Variants in REDIC1 observed in about 807,000 individuals in gnomAD.
REDIC1 encodes regulator of DNA class I crossover intermediates 1, also known as HEI10 Interacting Protein 1.
the REDIC1 span, among the ~76,000 whole-genome samples, chr12:39,676,938 G>A: frequency 5.9e-4 from 89 of 151,562 alleles, no homozygotes; most frequent in African/African-American, 2.1e-3. Flanking sequence ...TACAAGAAAT[G>A]CTAAAAGGAG....
At chr12:39,633,161 G>A in the REDIC1 span, among the ~76,000 whole-genome samples, 81 of 151,862 alleles carry the variant, frequency 5.3e-4, no homozygotes, top group Admixed American at 5.3e-3. Flanking sequence ...TTAACTTTTT[G>A]ACTGTTTCAT....
At chr12:39,849,059 A>G in the REDIC1 span, among the ~76,000 whole-genome samples, 26 of 152,236 alleles carry the variant, frequency 1.7e-4, no homozygotes, top group Non-Finnish European at 3.4e-4. Context: ...AACAAAAAAG[A>G]TAACTATTGG....
the REDIC1 span, among the ~76,000 whole-genome samples, chr12:39,710,050 T>C: frequency 8.6e-5 from 13 of 151,972 alleles, no homozygotes; most frequent in African/African-American, 2.9e-4. Flanking sequence ...CATTTTGATA[T>C]AGATCTTTTT....
chr12:39,648,131 A>G, the REDIC1 span, among the ~76,000 whole-genome samples: 1 of 152,142 alleles, frequency 6.6e-6, no homozygotes, highest in Non-Finnish European at 1.5e-5. Flanking sequence ...TTTACATCAA[A>G]AACTTAATTC....
the REDIC1 span, among the ~76,000 whole-genome samples, chr12:39,800,234 A>G: frequency 1.3e-5 from 2 of 152,226 alleles, no homozygotes; most frequent in Non-Finnish European, 2.9e-5. Context: ...AACAGAAAAA[A>G]TAATTTGTGA....
At chr12:39,874,615 CAAAAA>C in the REDIC1 span, among the ~76,000 whole-genome samples, 2 of 101,114 alleles carry the variant, frequency 2.0e-5, no homozygotes, top group Non-Finnish European at 2.0e-5. Flanking sequence ...AACTCCATCT[CAAAAA>C]AAAAAAAAAA....
chr12:39,853,535 CTTTCT>C, the REDIC1 span, among the ~76,000 whole-genome samples: 2 of 151,584 alleles, frequency 1.3e-5, no homozygotes, highest in East Asian at 1.9e-4. Context: ...TTTTTTTCTC[CTTTCT>C]TTTCTTTTCT....
chr12:39,720,224 C>T, the REDIC1 span, among the ~76,000 whole-genome samples: 2 of 151,680 alleles, frequency 1.3e-5, no homozygotes, highest in Non-Finnish European at 2.9e-5. Context: ...TTTTCTTTGT[C>T]TATTTAATTT....
the REDIC1 span, among the ~76,000 whole-genome samples, chr12:39,751,727 A>G: frequency 6.6e-6 from 1 of 152,236 alleles, no homozygotes; most frequent in Non-Finnish European, 1.5e-5. Context: ...CAGCCATAAA[A>G]AAGGATGAGT....
the REDIC1 span, among the ~76,000 whole-genome samples, chr12:39,901,946 T>C: frequency 6.6e-6 from 1 of 152,080 alleles, no homozygotes; most frequent in Non-Finnish European, 1.5e-5. Flanking sequence ...CCAACCAAAA[T>C]GTCCATCAAT....
At chr12:39,689,706 C>T in the REDIC1 span, among the ~76,000 whole-genome samples, 2 of 151,982 alleles carry the variant, frequency 1.3e-5, no homozygotes, top group Non-Finnish European at 2.9e-5. Context: ...TTGAGGAGTA[C>T]TAGTGTCGTA....
At chr12:39,634,944 A>G in the REDIC1 span, among the ~76,000 whole-genome samples, 1 of 152,228 alleles carries the variant, frequency 6.6e-6, no homozygotes. Flanking sequence ...TTACAAGAAA[A>G]AAAAACAACC....
At chr12:39,822,611 C>T in the REDIC1 span, among the ~76,000 whole-genome samples, 2 of 152,166 alleles carry the variant, frequency 1.3e-5, no homozygotes, top group Non-Finnish European at 1.5e-5. Flanking sequence ...AGGTTCACCA[C>T]CATTATCTTA....
chr12:39,718,963 C>T, the REDIC1 span, among the ~76,000 whole-genome samples: 5 of 152,112 alleles, frequency 3.3e-5, no homozygotes, highest in African/African-American at 1.2e-4. Context: ...TAGCATCTAA[C>T]GGTATGCCTT....
the REDIC1 span, among the ~76,000 whole-genome samples, chr12:39,725,878 G>T: frequency 6.6e-6 from 1 of 151,802 alleles, no homozygotes; most frequent in Non-Finnish European, 1.5e-5. Context: ...GTGTCTGAGG[G>T]GTGTGTGTGT....
the REDIC1 span, among the ~76,000 whole-genome samples, chr12:39,673,181 G>T: frequency 6.6e-6 from 1 of 152,096 alleles, no homozygotes; most frequent in Non-Finnish European, 1.5e-5. Context: ...TCACTTCTAT[G>T]TTGAATTCCA....
chr12:39,870,938 A>G, the REDIC1 span, among the ~76,000 whole-genome samples: 1 of 152,220 alleles, frequency 6.6e-6, no homozygotes, highest in African/African-American at 2.4e-5. Context: ...TGTTTTCGAT[A>G]CAATTTGGTT....
At chr12:39,653,380 A>C in the REDIC1 span, among the ~76,000 whole-genome samples, 19 of 151,844 alleles carry the variant, frequency 1.3e-4, no homozygotes, top group Admixed American at 1.2e-3. Flanking sequence ...ACATCTTTTG[A>C]CTTTGACAAT....
chr12:39,900,589 T>C, the REDIC1 span, among the ~76,000 whole-genome samples: 2 of 152,118 alleles, frequency 1.3e-5, no homozygotes, highest in African/African-American at 2.4e-5. Context: ...CTATTCACAA[T>C]TGCTTCAAAG....
Sources: gnomAD v4.1 joint callset for allele counts (sites outside exome capture counted in the v4.1 genomes callset) on GRCh38, gnomAD v4.1.1 for gene constraint, MANE v1.5 for transcripts, NCBI Gene and HGNC (gene_info 2026-07-23, HGNC 2026-07-21) for gene names.